SERGEF: variants seen among roughly 807,000 people sequenced by gnomAD.
SERGEF encodes the protein secretion-regulating guanine nucleotide exchange factor.
A neutral mutation model predicts 50.0 loss-of-function variants in SERGEF; 51 were observed. The ratio of observed to expected loss-of-function variants is 1.02; its 90% confidence interval spans 0.81 to 1.29. The LOEUF (loss-of-function observed/expected upper bound fraction) is 1.29, where lower values mean the gene tolerates loss of function less well. Among genes scored for constraint, SERGEF ranks in the 50% most tolerant of loss-of-function variants. The pLI, the probability that SERGEF is intolerant of heterozygous loss-of-function variation, is 0.00. For synonymous variants in SERGEF, 205 were observed against 212.4 expected, an observed-to-expected ratio of 0.97 and a Z score of 0.30; for missense variants, 521 against 557.0, an observed-to-expected ratio of 0.94 and a Z score of 0.65.
At chr11:17,965,630 C>T (rs1406813951) in intron 8 of SERGEF, among the ~76,000 whole-genome samples, 2 of 152,180 alleles carry the variant, frequency 1.3e-5, no homozygotes, top group African/African-American at 4.8e-5. Context: ...TGTGTGCCTC[C>T]TCTTCCAGAG....
chr11:17,916,612 T>C (rs1005398864), intron 9 of SERGEF, among the ~76,000 whole-genome samples: 8 of 152,220 alleles, frequency 5.3e-5, no homozygotes, highest in African/African-American at 1.9e-4. Flanking sequence ...TTTCACAGGA[T>C]TATTATCAGA....
At chr11:17,890,695 T>C (rs1590179984) in intron 9 of SERGEF, among the ~76,000 whole-genome samples, 1 of 152,244 alleles carries the variant, frequency 6.6e-6, no homozygotes, top group Admixed American at 6.5e-5. Context: ...AGTGTTGAGA[T>C]TACAGGCATG....
intron 9 of SERGEF, among the ~76,000 whole-genome samples, chr11:17,887,646 ACTGT>A (rs1300999923): frequency 6.6e-6 from 1 of 152,182 alleles, no homozygotes; most frequent in African/African-American, 2.4e-5. Flanking sequence ...GCTTGGAAAA[ACTGT>A]CTGGCAGTAT....
chr11:17,923,978 C>T (rs1355941341), intron 9 of SERGEF, among the ~76,000 whole-genome samples: 1 of 152,136 alleles, frequency 6.6e-6, no homozygotes, highest in East Asian at 1.9e-4. Flanking sequence ...CTAGCTTTGC[C>T]AAGTCATTTA....
intron 10 of SERGEF, among the ~76,000 whole-genome samples, chr11:17,812,050 GTCCT>G (rs1849883928): frequency 1.3e-5 from 2 of 152,200 alleles, no homozygotes; most frequent in East Asian, 3.8e-4. Context: ...ACCAAATGTG[GTCCT>G]GCCCCCCTCC....
At chr11:17,944,125 C>T (rs1852610483) in intron 9 of SERGEF, among the ~76,000 whole-genome samples, 1 of 152,032 alleles carries the variant, frequency 6.6e-6, no homozygotes, top group African/African-American at 2.4e-5. Context: ...GACGGGGTTT[C>T]GTCGTGTTAG....
intron 8 of SERGEF, among the ~76,000 whole-genome samples, chr11:17,970,563 G>C (rs1853225907): frequency 6.6e-6 from 1 of 152,196 alleles, no homozygotes; most frequent in Non-Finnish European, 1.5e-5. Flanking sequence ...TAATCTTAGG[G>C]AGGAAGGTAT....
At chr11:17,844,903 A>C (rs372181510) in intron 10 of SERGEF, among the ~76,000 whole-genome samples, 51 of 146,472 alleles carry the variant, frequency 3.5e-4, no homozygotes, top group Middle Eastern at 3.6e-3. Context: ...GAGCTTAAAA[A>C]AAAACAAAAC....
chr11:18,011,130 G>GCACACACA (rs1226293429), intron 1 of SERGEF, among the ~76,000 whole-genome samples: 2 of 116,948 alleles, frequency 1.7e-5, no homozygotes, highest in South Asian at 2.8e-4. Context: ...ACGTGCACAT[G>GCACACACA]CACACATACA....
chr11:17,954,535 C>T (rs545961616), intron 9 of SERGEF, among the ~76,000 whole-genome samples: 5 of 152,180 alleles, frequency 3.3e-5, no homozygotes, highest in Admixed American at 6.5e-5. Flanking sequence ...CCACTCATTC[C>T]GACAGATTGC....
intron 9 of SERGEF, among the ~76,000 whole-genome samples, chr11:17,910,417 TA>T (rs991583125): frequency 4.8e-5 from 7 of 147,272 alleles, no homozygotes; most frequent in African/African-American, 9.7e-5. Flanking sequence ...CCCAGCTAAT[TA>T]AAAAAAATTT....
intron 9 of SERGEF, among the ~76,000 whole-genome samples, chr11:17,887,847 G>C (rs1259774939): frequency 1.3e-5 from 2 of 152,082 alleles, no homozygotes; most frequent in African/African-American, 4.8e-5. Context: ...TTACAGCAGG[G>C]GTCCCCAACC....
intron 10 of SERGEF, among the ~76,000 whole-genome samples, chr11:17,789,205 A>G (rs1257272187): frequency 1.1e-4 from 17 of 152,132 alleles, no homozygotes; most frequent in Admixed American, 1.1e-3. Flanking sequence ...TGACCACCCA[A>G]TCCAAATCAG....
At chr11:17,839,486 C>A (rs1299633445) in intron 10 of SERGEF, among the ~76,000 whole-genome samples, 1 of 152,118 alleles carries the variant, frequency 6.6e-6, no homozygotes, top group African/African-American at 2.4e-5. Flanking sequence ...GAAAGGATTT[C>A]TCTGTAACGA....
chr11:17,949,479 G>A (rs1852732007), intron 9 of SERGEF, among the ~76,000 whole-genome samples: 1 of 152,050 alleles, frequency 6.6e-6, no homozygotes, highest in South Asian at 2.1e-4. Context: ...TCAGAACAAA[G>A]TCCCAAACAG....
chr11:18,012,510 G>A (rs1854217528), intron 1 of SERGEF: 1 of 1,116,120 alleles, frequency 9.0e-7, no homozygotes, highest in Admixed American at 5.0e-5. Flanking sequence ...ACATCTAAAG[G>A]ATGCTTTCGC....
Position 17,959,638 on chromosome 11 carries a change from T to C in SERGEF, c.845-2A>G. On this transcript the variant is annotated splice_acceptor_variant, in intron 8 of 10. Transcript: ENST00000265965. LOFTEE classifies it high-confidence loss of function. ...CCCAGGTAAACATCTTGCCAGTTTC[T>C]AAAAACAAATATTATTTGAATTAAG... is the stretch of plus-strand genomic sequence containing the variant. The C allele has an allele frequency of 6.2e-7, 1 of 1,608,328 alleles. No individual in the cohort carries two copies. Among genetic ancestry groups the C allele is most frequent in the East Asian group, 2.2e-5 (1 of 44,832 alleles).
At chr11:17,892,407 C>G (rs1462259139) in intron 9 of SERGEF, among the ~76,000 whole-genome samples, 2 of 152,148 alleles carry the variant, frequency 1.3e-5, no homozygotes, top group Non-Finnish European at 2.9e-5. Context: ...CCCAGGCTAC[C>G]CTGTTCAATG....
intron 10 of SERGEF, among the ~76,000 whole-genome samples, chr11:17,872,953 T>A (rs1483161201): frequency 1.3e-5 from 2 of 152,084 alleles, no homozygotes; most frequent in African/African-American, 4.8e-5. Context: ...CACTTACATA[T>A]GTAAAAGGAC....
Sources: allele counts gnomAD v4.1 joint callset (sites outside exome capture counted in the v4.1 genomes callset), GRCh38; gene constraint gnomAD v4.1.1; transcripts MANE v1.5; gene names NCBI Gene and HGNC (gene_info 2026-07-23, HGNC 2026-07-21).